Variants in NSUN3 observed in about 807,000 individuals in gnomAD.
NSUN3 encodes the protein NOP2/Sun RNA methyltransferase 3.
Under a neutral mutation model 36.8 loss-of-function variants are expected in NSUN3, and 24 were observed. The ratio of observed to expected loss-of-function variants is 0.65; its 90% CI spans 0.47 to 0.92. The LOEUF (loss-of-function observed/expected upper bound fraction) is 0.92. NSUN3 is among the 40% of genes least tolerant of loss of function. NSUN3 has a pLI of 0.00. For missense variants in NSUN3, 381 were observed against 392.8 expected (o/e 0.97, Z 0.25); for synonymous variants, 146 against 145.2 (o/e 1.01, Z -0.04).
At chr3:94,111,346 G>C (rs547119139) in intron 5 of NSUN3, among the ~76,000 whole-genome samples, 283 of 152,096 alleles carry the variant, frequency 1.9e-3, no homozygotes, top group African/African-American at 6.5e-3. Context: ...CTACTGTAGC[G>C]TTTATAAACT....
At position 94,103,132 on chromosome 3, in the gene NSUN3, C is replaced by G. The variant is rs1189615672; in HGVS notation, c.743+7978C>G. ...AAACTCCCAACCTCAGGTAACCCAC[C>G]TTCCTTGGCCTCCCAAAGTGCTGGG... On this transcript the variant is annotated intron_variant, in intron 5 of 5. Coordinates refer to ENST00000314622, the MANE Select transcript of NSUN3 (RefSeq NM_022072.5). Among the ~76,000 whole-genome samples, 4 of 152,092 alleles carry G rather than the reference C, an allele frequency of 2.6e-5. No homozygotes were observed. In the East Asian group the frequency reaches 7.7e-4, roughly 29 times the overall value.
chr3:94,115,846 G>C (rs529178689), intron 5 of NSUN3, among the ~76,000 whole-genome samples: 9 of 152,250 alleles, frequency 5.9e-5, no homozygotes, highest in Non-Finnish European at 5.9e-5. Context: ...AAAGTGTTAG[G>C]ATGTTTTAAT....
chr3:94,117,510 C>T (rs2077445445), intron 5 of NSUN3, among the ~76,000 whole-genome samples: 1 of 151,988 alleles, frequency 6.6e-6, no homozygotes, highest in African/African-American at 2.4e-5. Context: ...TTTTTAGCAG[C>T]TTCATTAACT....
At chr3:94,094,407 A>G in intron 4 of NSUN3, 113 bp downstream of exon 4, 1 of 1,047,738 alleles carries the variant, frequency 9.5e-7, no homozygotes, top group Non-Finnish European at 1.3e-6. Context: ...ACAGTTTCTC[A>G]GTACCCTGGA....
intron 3 of NSUN3, among the ~76,000 whole-genome samples, chr3:94,090,448 C>T (rs943513071): frequency 3.9e-5 from 6 of 152,078 alleles, no homozygotes; most frequent in African/African-American, 1.4e-4. Context: ...TGAAAAGCTG[C>T]CCTGATCTTC....
intron 3 of NSUN3, among the ~76,000 whole-genome samples, chr3:94,090,720 G>T (rs919352951): frequency 2.0e-5 from 3 of 152,118 alleles, no homozygotes; most frequent in Non-Finnish European, 2.9e-5. Context: ...AATACTTAGT[G>T]GCCAAAACCT....
At chr3:94,093,751 C>G (rs956416839) in intron 3 of NSUN3, among the ~76,000 whole-genome samples, 1 of 152,182 alleles carries the variant, frequency 6.6e-6, no homozygotes, top group African/African-American at 2.4e-5. Context: ...GAATTACCAC[C>G]TGTGTTTACT....
At chr3:94,120,474 T>C (rs1036871331) in intron 5 of NSUN3, among the ~76,000 whole-genome samples, 2 of 152,244 alleles carry the variant, frequency 1.3e-5, no homozygotes, top group African/African-American at 4.8e-5. Flanking sequence ...TCTGTCTCTA[T>C]GAATTTGACT....
rs1386422171 is a variant in NSUN3 at position 94,084,429 on chromosome 3, C to G, written c.445C>G (p.Leu149Val). Residue 149 changes from leucine to valine, a missense_variant, in exon 3 of 6, where the codon CTG (leucine) becomes GTG (valine). By Grantham distance (32) the Leu-to-Val change is conservative. Coordinates refer to ENST00000314622, the MANE Select transcript of NSUN3 (RefSeq NM_022072.5). ...CAAPGGKSIA[L>V]LQCACPGYLH... Reference sequence around the variant, plus strand: ...TGCTCCTGGAGGGAAATCAATAGCTCTGCTGCAGTGTGCTTGTCCAGGTAG... The same window carrying G: ...TGCTCCTGGAGGGAAATCAATAGCTGTGCTGCAGTGTGCTTGTCCAGGTAG... The G allele has an allele frequency of 1.2e-6, 2 of 1,613,526 alleles. No individual in the cohort carries two copies. Among genetic ancestry groups the G allele is most frequent in the South Asian group, 1.1e-5 (1 of 91,028 alleles).
chr3:94,087,453 C>G (rs1201524402), intron 3 of NSUN3, among the ~76,000 whole-genome samples: 2 of 152,206 alleles, frequency 1.3e-5, no homozygotes, highest in Non-Finnish European at 2.9e-5. Flanking sequence ...TTCAGCTGCT[C>G]TCACCTGTTA....
chr3:94,072,245 AG>A (rs2077227283), intron 2 of NSUN3, among the ~76,000 whole-genome samples: 1 of 152,120 alleles, frequency 6.6e-6, no homozygotes, highest in African/African-American at 2.4e-5. Context: ...CTGTAGTACC[AG>A]GGTCTCACAC....
At chr3:94,107,470 GA>G (rs2077394916) in intron 5 of NSUN3, among the ~76,000 whole-genome samples, 2 of 149,794 alleles carry the variant, frequency 1.3e-5, no homozygotes, top group Non-Finnish European at 3.0e-5. Flanking sequence ...ATTTTTTGTA[GA>G]AACAGGGGTC....
intron 2 of NSUN3, among the ~76,000 whole-genome samples, chr3:94,068,962 G>T (rs1334120985): frequency 6.6e-6 from 1 of 152,134 alleles, no homozygotes; most frequent in Non-Finnish European, 1.5e-5. Flanking sequence ...GCAAATCTCT[G>T]TGAAGAAGTA....
intron 5 of NSUN3, among the ~76,000 whole-genome samples, chr3:94,107,422 G>A (rs1479583722): frequency 1.3e-5 from 2 of 151,468 alleles, no homozygotes; most frequent in African/African-American, 4.9e-5. Context: ...TGAGTAGCTG[G>A]GACCACAGCA....
intron 5 of NSUN3, among the ~76,000 whole-genome samples, chr3:94,114,409 C>T (rs905386223): frequency 6.6e-6 from 1 of 152,156 alleles, no homozygotes; most frequent in Non-Finnish European, 1.5e-5. Flanking sequence ...CATCTCACCT[C>T]ATAAGGTTTT....
In NSUN3 at chr3:94,130,955, C is replaced by G. The variant is rs748261378; in HGVS notation, c.*4465C>G. 2.0e-5 allele frequency among the ~76,000 whole-genome samples: 3 copies of G among 152,058 alleles called. No individual in the cohort carries two copies. Among genetic ancestry groups the G allele is most frequent in the Non-Finnish European group, 2.9e-5 (2 of 68,022 alleles). On this transcript the variant is annotated 3_prime_UTR_variant, in exon 6 of 6. Coordinates refer to ENST00000314622, the MANE Select transcript of NSUN3 (RefSeq NM_022072.5). ...TTTAGTTCCTCCCACTGTCCCCAACCCAGCTAGAGTGCAGTGGTGTCATCA... is the reference window on the plus strand; with the variant it reads ...TTTAGTTCCTCCCACTGTCCCCAACGCAGCTAGAGTGCAGTGGTGTCATCA...
At chr3:94,113,427 A>T (rs1320609662) in intron 5 of NSUN3, among the ~76,000 whole-genome samples, 2 of 152,242 alleles carry the variant, frequency 1.3e-5, no homozygotes, top group African/African-American at 4.8e-5. Context: ...GAAAGATTGA[A>T]TGAGGTAACA....
Position 94,084,522 on chromosome 3 carries a change from TATG to T in NSUN3, c.466+73_466+75del. The T allele has an allele frequency of 5.1e-6, 6 of 1,178,678 alleles. No individual in the cohort carries two copies. The Admixed American group carries it at 1.5e-4, about 29-fold the overall frequency. The allele number at this position is 1,178,678 out of a possible 1,614,324, so 73.0% of individuals were successfully genotyped here. The stretch of plus-strand genomic sequence containing the variant: ...TGTTATAGAGAATTCTGAAAGTATA[TATG>T]GGGAGAAACGTAAGACTGAGTTTGC... On this transcript the variant is annotated intron_variant, in intron 3 of 5. Coordinates refer to ENST00000314622, the MANE Select transcript of NSUN3 (RefSeq NM_022072.5).
intron 5 of NSUN3, among the ~76,000 whole-genome samples, chr3:94,107,952 T>A (rs531908296): frequency 6.7e-6 from 1 of 148,554 alleles, no homozygotes; most frequent in African/African-American, 2.5e-5. Flanking sequence ...AAATTACTTG[T>A]TAGCAAAAGC....
Sources: gnomAD v4.1 joint callset for allele counts (sites outside exome capture counted in the v4.1 genomes callset) on GRCh38, gnomAD v4.1.1 for gene constraint, MANE v1.5 for transcripts, NCBI Gene and HGNC (gene_info 2026-07-23, HGNC 2026-07-21) for gene names.